Variants in TSPAN9 observed in about 807,000 individuals in gnomAD.
TSPAN9 encodes tetraspanin-9.
Under a neutral mutation model 31.0 loss-of-function variants are expected in TSPAN9, and 16 were observed. The ratio of observed to expected loss-of-function variants is 0.52; its 90% CI spans 0.35 to 0.78. The LOEUF (loss-of-function observed/expected upper bound fraction) is 0.78, where lower values mean the gene tolerates loss of function less well. Among genes scored for constraint, TSPAN9 ranks in the 30% least tolerant of loss-of-function variants. TSPAN9 has a pLI of 0.01. For synonymous variants in TSPAN9, 145 were observed against 121.6 expected (o/e 1.19, Z -1.27); for missense variants, 272 against 312.5 (o/e 0.87, Z 0.98).
Position 3,147,863 on chromosome 12 carries a change from G to C in TSPAN9, c.-17-53314G>C, listed in dbSNP as rs1013082841. Among the ~76,000 whole-genome samples, 2 of 152,198 alleles carry C rather than the reference G, an allele frequency of 1.3e-5. No homozygotes were observed. Among genetic ancestry groups the C allele is most frequent in the Non-Finnish European group, 2.9e-5 (2 of 68,034 alleles). Reference sequence around the variant, plus strand: ...GTTGTGAGTGCCTTGTTCTTAGTAAGAGATTACTAAGCTGTGTGAGTGGTG... The same window carrying C: ...GTTGTGAGTGCCTTGTTCTTAGTAACAGATTACTAAGCTGTGTGAGTGGTG... On this transcript the variant is annotated intron_variant, in intron 2 of 8. Transcript: ENST00000011898. The surrounding 1 kb of genome is among the most constrained non-coding windows in gnomAD (Gnocchi z 4.3).
At chr12:3,137,664 C>T (rs1033914925) in intron 2 of TSPAN9, among the ~76,000 whole-genome samples, 1 of 152,164 alleles carries the variant, frequency 6.6e-6, no homozygotes, top group Non-Finnish European at 1.5e-5. Context: ...GCTCCAGCTG[C>T]GTCCTCCCTG....
intron 2 of TSPAN9, among the ~76,000 whole-genome samples, chr12:3,195,299 G>T (rs2098366519): frequency 6.6e-6 from 1 of 152,216 alleles, no homozygotes; most frequent in Admixed American, 6.5e-5. Context: ...GAGGCAGAGA[G>T]AGCTTGGCAT....
At chr12:3,161,202 C>T (rs1269734435) in intron 2 of TSPAN9, among the ~76,000 whole-genome samples, 3 of 150,700 alleles carry the variant, frequency 2.0e-5, no homozygotes, top group Non-Finnish European at 4.4e-5. Flanking sequence ...GCCTGGGCAA[C>T]AAGAGTGAAA....
In TSPAN9 at chr12:3,186,546, T is replaced by TTGTGTGTGTGTGTG. The variant is rs61329208; in HGVS notation, c.-17-14613_-17-14600dup. On this transcript the variant is annotated intron_variant, in intron 2 of 8. Transcript: ENST00000011898. ...TGGAGTGAGTGGGCCAGGAGTTTGT[T>TTGTGTGTGTGTGTG]TGTGTGTGTGTGTGTGTGTGTGTGT... is the stretch of plus-strand genomic sequence containing the variant. Among the ~76,000 whole-genome samples, 4 of 135,860 alleles carry TTGTGTGTGTGTGTG rather than the reference T, an allele frequency of 2.9e-5. No homozygotes were observed. The South Asian group carries it at 7.0e-4, about 24-fold the overall frequency. 89.1% of individuals were successfully genotyped at this position (135,860 alleles called of 152,430 possible).
chr12:3,252,961 A>C (rs990630101), intron 3 of TSPAN9, among the ~76,000 whole-genome samples: 3 of 152,278 alleles, frequency 2.0e-5, no homozygotes, highest in African/African-American at 7.2e-5. Context: ...CTAAACTCAC[A>C]TTTGGAGGCC....
At chr12:3,230,749 G>C (rs1298872090) in intron 3 of TSPAN9, among the ~76,000 whole-genome samples, 1 of 152,010 alleles carries the variant, frequency 6.6e-6, no homozygotes, top group Non-Finnish European at 1.5e-5. Context: ...CCTTCCATCG[G>C]CAGCACACCC....
chr12:3,231,739 C>T (rs1025971004), intron 3 of TSPAN9, among the ~76,000 whole-genome samples: 21 of 152,272 alleles, frequency 1.4e-4, no homozygotes, highest in African/African-American at 4.1e-4. Context: ...TCTCCCGGCT[C>T]GGGTTACTTG....
intron 3 of TSPAN9, among the ~76,000 whole-genome samples, chr12:3,242,231 G>T (rs547345788): frequency 6.6e-6 from 1 of 152,262 alleles, no homozygotes; most frequent in African/African-American, 2.4e-5. Context: ...TCATGAGCTG[G>T]GTTGGGATGG....
At chr12:3,140,175 C>G (rs1373083169) in intron 2 of TSPAN9, among the ~76,000 whole-genome samples, 1 of 151,862 alleles carries the variant, frequency 6.6e-6, no homozygotes, top group East Asian at 1.9e-4. Flanking sequence ...GGAATTAAGT[C>G]CTGGAGTGGA....
intron 3 of TSPAN9, among the ~76,000 whole-genome samples, chr12:3,255,240 T>C (rs1163085444): frequency 1.3e-5 from 2 of 152,204 alleles, no homozygotes; most frequent in Non-Finnish European, 2.9e-5. Context: ...AGAGAGGCTG[T>C]GTTAGGCGAG....
At chr12:3,195,603 C>T (rs2153972400) in intron 2 of TSPAN9, among the ~76,000 whole-genome samples, 1 of 152,248 alleles carries the variant, frequency 6.6e-6, no homozygotes, top group East Asian at 1.9e-4. Flanking sequence ...TCCATCTGTA[C>T]CCCCAATCTA....
At chr12:3,194,081 A>T (rs2098365900) in intron 2 of TSPAN9, among the ~76,000 whole-genome samples, 2 of 152,154 alleles carry the variant, frequency 1.3e-5, no homozygotes, top group South Asian at 4.2e-4. Context: ...GTCCTTGAGG[A>T]GAGCTCAAGA....
At chr12:3,263,107 AGCCTCGGAG>A (rs1282691840) in intron 3 of TSPAN9, among the ~76,000 whole-genome samples, 6 of 152,244 alleles carry the variant, frequency 3.9e-5, no homozygotes, top group Non-Finnish European at 5.9e-5. Context: ...CAAGTCACTT[AGCCTCGGAG>A]GCCTCTGCCT....
At chr12:3,242,365 G>A (rs1169072411) in intron 3 of TSPAN9, among the ~76,000 whole-genome samples, 2 of 152,204 alleles carry the variant, frequency 1.3e-5, no homozygotes, top group Non-Finnish European at 2.9e-5. Flanking sequence ...CCCGATGCCT[G>A]GAGCCCTGGG....
intron 3 of TSPAN9, among the ~76,000 whole-genome samples, chr12:3,220,099 C>T (rs888649797): frequency 1.3e-5 from 2 of 149,556 alleles, no homozygotes; most frequent in Non-Finnish European, 1.5e-5. Context: ...GAGCCGAGAT[C>T]ACGCCATTGC....
intron 3 of TSPAN9, among the ~76,000 whole-genome samples, chr12:3,278,089 C>T (rs1054555326): frequency 6.6e-6 from 1 of 152,212 alleles, no homozygotes; most frequent in African/African-American, 2.4e-5. Context: ...GTAACCTAAC[C>T]ACTCACATGT....
At chr12:3,159,558 C>G (rs906140336) in intron 2 of TSPAN9, among the ~76,000 whole-genome samples, 1 of 152,180 alleles carries the variant, frequency 6.6e-6, no homozygotes, top group Non-Finnish European at 1.5e-5. Flanking sequence ...TCCACCATGA[C>G]TGGTGCCGTT....
In TSPAN9 at chr12:3,107,991, C is replaced by T. The variant is rs1175268086; in HGVS notation, c.-18+24272C>T. On this transcript the variant is annotated intron_variant, in intron 2 of 8. Coordinates refer to ENST00000011898, the MANE Select transcript of TSPAN9 (RefSeq NM_006675.5). This position sits in a 1 kb window ranked among gnomAD's most constrained non-coding sequence, Gnocchi z 4.1. Reference sequence around the variant, plus strand: ...CTCCCCAAAACCTCCATACCTGATCCTCACATTTCTGGATACTCCTTGTGT... The same window carrying T: ...CTCCCCAAAACCTCCATACCTGATCTTCACATTTCTGGATACTCCTTGTGT... Among the ~76,000 whole-genome samples the T allele has an allele frequency of 6.6e-6, 1 of 152,214 alleles. No individual in the cohort carries two copies. Among genetic ancestry groups the T allele is most frequent in the Non-Finnish European group, 1.5e-5 (1 of 68,042 alleles).
chr12:3,171,365 GA>G (rs772817912), intron 2 of TSPAN9, among the ~76,000 whole-genome samples: 6 of 152,120 alleles, frequency 3.9e-5, no homozygotes, highest in Non-Finnish European at 7.3e-5. Context: ...GTAATCCACA[GA>G]AACTGTTTGC....
Sources: gnomAD v4.1 joint callset for allele counts (sites outside exome capture counted in the v4.1 genomes callset) on GRCh38, gnomAD v4.1.1 for gene constraint, Gnocchi (gnomAD v3.1) non-coding constraint, MANE v1.5 for transcripts, NCBI Gene and HGNC (gene_info 2026-07-23, HGNC 2026-07-21) for gene names.